AFG2A: variants seen among roughly 807,000 people sequenced by gnomAD.
The protein encoded by AFG2A is ATPase family gene 2 protein homolog A.
the AFG2A span, among the ~76,000 whole-genome samples, chr4:123,062,690 T>C: frequency 0.012 from 1,843 of 152,266 alleles, 42 homozygotes; most frequent in African/African-American, 0.041. Context: ...CCATTGTAGG[T>C]AGTGGTAACA....
the AFG2A span, among the ~76,000 whole-genome samples, chr4:122,998,926 C>T: frequency 2.0e-5 from 3 of 152,098 alleles, no homozygotes; most frequent in Non-Finnish European, 4.4e-5. Flanking sequence ...ATAGTCCCAC[C>T]AACAGTGTAA....
At chr4:123,022,271 T>C in the AFG2A span, among the ~76,000 whole-genome samples, 1 of 151,690 alleles carries the variant, frequency 6.6e-6, no homozygotes. Context: ...TGGGAGAAAA[T>C]TTTCGCAACC....
the AFG2A span, among the ~76,000 whole-genome samples, chr4:123,147,011 A>G: frequency 6.6e-6 from 1 of 152,126 alleles, no homozygotes. Flanking sequence ...TCCTTCCTTT[A>G]TACTGGAAAC....
the AFG2A span, among the ~76,000 whole-genome samples, chr4:123,140,048 A>T: frequency 3.3e-5 from 5 of 152,066 alleles, no homozygotes; most frequent in Non-Finnish European, 7.4e-5. Flanking sequence ...TTGGTATACC[A>T]TAGTTCTTGA....
At chr4:123,215,601 C>T in the AFG2A span, among the ~76,000 whole-genome samples, 12 of 151,890 alleles carry the variant, frequency 7.9e-5, no homozygotes, top group African/African-American at 2.9e-4. Context: ...CCTTTTTTCC[C>T]CCTTATGCCA....
the AFG2A span, among the ~76,000 whole-genome samples, chr4:123,162,591 A>T: frequency 6.6e-6 from 1 of 152,226 alleles, no homozygotes; most frequent in South Asian, 2.1e-4. Flanking sequence ...ATATTTCAGA[A>T]TTCATAGTCT....
At chr4:122,927,437 G>A in the AFG2A span, among the ~76,000 whole-genome samples, 1 of 152,132 alleles carries the variant, frequency 6.6e-6, no homozygotes, top group African/African-American at 2.4e-5. Context: ...TACTTAATAT[G>A]TTGCCAGTAG....
At chr4:123,052,432 C>G in the AFG2A span, among the ~76,000 whole-genome samples, 2 of 152,184 alleles carry the variant, frequency 1.3e-5, no homozygotes, top group African/African-American at 2.4e-5. Context: ...ATATCTCTAT[C>G]ACTTTAGGGT....
chr4:123,074,185 C>T, the AFG2A span, among the ~76,000 whole-genome samples: 1 of 149,364 alleles, frequency 6.7e-6, no homozygotes, highest in South Asian at 2.1e-4. Context: ...CCTCCACCTC[C>T]CAGGTTCAAG....
At chr4:123,316,580 A>G in the AFG2A span, 3 of 152,258 alleles carry the variant, frequency 2.0e-5, no homozygotes, top group Admixed American at 6.5e-5. Context: ...GGCACAAGAA[A>G]ATAAGAGGAA....
the AFG2A span, among the ~76,000 whole-genome samples, chr4:123,066,325 G>C: frequency 1.3e-5 from 2 of 152,102 alleles, no homozygotes; most frequent in South Asian, 2.1e-4. Context: ...TTCTCTAAAT[G>C]ACACTTTTCA....
At chr4:123,127,635 C>G in the AFG2A span, among the ~76,000 whole-genome samples, 1 of 152,000 alleles carries the variant, frequency 6.6e-6, no homozygotes, top group African/African-American at 2.4e-5. Context: ...TGGATGGCCA[C>G]TTTACATAGA....
the AFG2A span, among the ~76,000 whole-genome samples, chr4:123,261,015 G>C: frequency 9.9e-5 from 15 of 152,270 alleles, no homozygotes; most frequent in Admixed American, 8.5e-4. Context: ...TGAACTATGC[G>C]TGCGAGGGAT....
the AFG2A span, among the ~76,000 whole-genome samples, chr4:123,033,395 A>G: frequency 6.6e-6 from 1 of 152,136 alleles, no homozygotes; most frequent in African/African-American, 2.4e-5. Flanking sequence ...TTTTTCATTA[A>G]TTACACAAAG....
the AFG2A span, among the ~76,000 whole-genome samples, chr4:122,980,844 GT>G: frequency 1.3e-5 from 2 of 148,560 alleles, no homozygotes; most frequent in African/African-American, 2.5e-5. Flanking sequence ...CAGATTGTTT[GT>G]TTTTTTTTGC....
the AFG2A span, among the ~76,000 whole-genome samples, chr4:122,994,754 A>G: frequency 6.6e-6 from 1 of 152,112 alleles, no homozygotes; most frequent in African/African-American, 2.4e-5. Context: ...CTAATTGTAT[A>G]ACCCAAACCC....
At chr4:123,104,285 G>T in the AFG2A span, among the ~76,000 whole-genome samples, 2 of 151,806 alleles carry the variant, frequency 1.3e-5, no homozygotes, top group African/African-American at 2.4e-5. Flanking sequence ...ATTGTTTTAG[G>T]ACACCATAAA....
chr4:123,277,611 T>C, the AFG2A span, among the ~76,000 whole-genome samples: 1 of 152,222 alleles, frequency 6.6e-6, no homozygotes, highest in African/African-American at 2.4e-5. Flanking sequence ...TGGTTGTGGG[T>C]TTGTCATAGA....
At chr4:123,307,780 T>C in the AFG2A span, among the ~76,000 whole-genome samples, 3 of 152,242 alleles carry the variant, frequency 2.0e-5, no homozygotes, top group African/African-American at 7.2e-5. Context: ...ATTTTTGCTG[T>C]ACCTTTTCTA....
Sources: gnomAD v4.1 joint callset for allele counts (sites outside exome capture counted in the v4.1 genomes callset) on GRCh38, gnomAD v4.1.1 for gene constraint, MANE v1.5 for transcripts, NCBI Gene and HGNC (gene_info 2026-07-23, HGNC 2026-07-21) for gene names.